NLGN1: variants seen among roughly 807,000 people sequenced by gnomAD.
The protein encoded by NLGN1 is neuroligin 1, also known as neuroligin-1.
Under a neutral mutation model 65.5 loss-of-function variants are expected in NLGN1, and 12 were observed. The ratio of observed to expected loss-of-function variants is 0.18; its 90% confidence interval spans 0.12 to 0.30. NLGN1 has a LOEUF of 0.30. NLGN1 is among the 10% of genes least tolerant of loss of function. The pLI is 1.00. For missense variants in NLGN1, 750 were observed against 1,007.1 expected (o/e 0.74, Z 3.46); for synonymous variants, 350 against 359.5 (o/e 0.97, Z 0.30).
intron 4 of NLGN1, among the ~76,000 whole-genome samples, chr3:174,007,514 T>G (rs951787947): frequency 1.3e-5 from 2 of 152,214 alleles, no homozygotes; most frequent in African/African-American, 4.8e-5. Context: ...AGTACTCTGT[T>G]GCATCCTCCT....
intron 3 of NLGN1, among the ~76,000 whole-genome samples, chr3:173,648,934 T>G (rs904938527): frequency 2.0e-5 from 3 of 152,148 alleles, no homozygotes; most frequent in Admixed American, 2.0e-4. Context: ...AGAAAGCATG[T>G]GTCTATTAAA....
At chr3:173,620,687 T>C (rs1334534496) in intron 3 of NLGN1, among the ~76,000 whole-genome samples, 3 of 152,084 alleles carry the variant, frequency 2.0e-5, no homozygotes, top group African/African-American at 7.2e-5. Flanking sequence ...TATTGAGTCA[T>C]CTTTTAAAAA....
At chr3:173,727,121 T>C (rs958907816) in intron 3 of NLGN1, among the ~76,000 whole-genome samples, 1 of 152,140 alleles carries the variant, frequency 6.6e-6, no homozygotes, top group African/African-American at 2.4e-5. Flanking sequence ...GGATAGTCCC[T>C]CTATCAACAG....
At chr3:173,946,314 T>TTGTG (rs914854059) in intron 4 of NLGN1, among the ~76,000 whole-genome samples, 3 of 151,742 alleles carry the variant, frequency 2.0e-5, no homozygotes, top group African/African-American at 7.3e-5. Context: ...TTGTGTTTGG[T>TTGTG]TGTGTGTGTG....
chr3:173,482,027 C>T (rs781495402), intron 2 of NLGN1, among the ~76,000 whole-genome samples: 28 of 151,940 alleles, frequency 1.8e-4, no homozygotes, highest in Non-Finnish European at 3.4e-4. Context: ...GTTATTTACA[C>T]ATAGGCAATT....
At chr3:174,275,623 G>C (rs1432114674) in intron 5 of NLGN1, 96 bp downstream of exon 5, 2 of 745,186 alleles carry the variant, frequency 2.7e-6, no homozygotes, top group East Asian at 5.2e-5. Flanking sequence ...TGTTCAAACT[G>C]AGTGTTAGGT....
chr3:173,745,685 T>G (rs1775259786), intron 3 of NLGN1, among the ~76,000 whole-genome samples: 1 of 151,962 alleles, frequency 6.6e-6, no homozygotes, highest in Admixed American at 6.6e-5. Flanking sequence ...ACTGCAGGTG[T>G]TTAGGGAAAT....
At chr3:174,060,421 G>A (rs1266192308) in intron 4 of NLGN1, among the ~76,000 whole-genome samples, 2 of 151,988 alleles carry the variant, frequency 1.3e-5, no homozygotes, top group East Asian at 2.0e-4. Context: ...ACTGTGAAAA[G>A]AAGAACCAGA....
intron 4 of NLGN1, among the ~76,000 whole-genome samples, chr3:174,257,075 C>G (rs1342075276): frequency 6.6e-6 from 1 of 151,798 alleles, no homozygotes; most frequent in African/African-American, 2.4e-5. Context: ...AAAAAACTAC[C>G]TCATTAAAAA....
intron 2 of NLGN1, among the ~76,000 whole-genome samples, chr3:173,488,398 C>A (rs776531693): frequency 6.6e-5 from 10 of 151,794 alleles, no homozygotes; most frequent in Non-Finnish European, 1.5e-4. Flanking sequence ...TTTTATTTTC[C>A]CCCACTTTCC....
intron 4 of NLGN1, among the ~76,000 whole-genome samples, chr3:174,108,663 G>C (rs925704524): frequency 6.6e-6 from 1 of 152,052 alleles, no homozygotes; most frequent in African/African-American, 2.4e-5. Context: ...AAATTACTAA[G>C]AGGAAACATC....
chr3:174,094,657 ATG>A (rs1745125244), intron 4 of NLGN1, among the ~76,000 whole-genome samples: 1 of 149,982 alleles, frequency 6.7e-6, no homozygotes, highest in Non-Finnish European at 1.5e-5. Context: ...TAGGACCCCC[ATG>A]TTATACCCTA....
chr3:173,783,706 A>T (rs1047023673), intron 3 of NLGN1, among the ~76,000 whole-genome samples: 1 of 152,154 alleles, frequency 6.6e-6, no homozygotes, highest in East Asian at 1.9e-4. Flanking sequence ...TCTCTGCCTC[A>T]TGGGATTCAG....
intron 4 of NLGN1, among the ~76,000 whole-genome samples, chr3:174,065,258 A>G (rs1020180090): frequency 6.6e-6 from 1 of 152,110 alleles, no homozygotes; most frequent in African/African-American, 2.4e-5. Flanking sequence ...TGTATTATCA[A>G]AGAGCTTAAC....
intron 4 of NLGN1, among the ~76,000 whole-genome samples, chr3:173,991,916 G>A (rs901328931): frequency 3.3e-5 from 5 of 151,908 alleles, no homozygotes; most frequent in Non-Finnish European, 5.9e-5. Flanking sequence ...GTGTTCTAGC[G>A]ATTCTCGTTC....
At chr3:173,780,511 T>G (rs1206106299) in intron 3 of NLGN1, among the ~76,000 whole-genome samples, 1 of 152,208 alleles carries the variant, frequency 6.6e-6, no homozygotes, top group Non-Finnish European at 1.5e-5. Flanking sequence ...ATCTATACCT[T>G]CAATGCCACA....
At chr3:173,782,433 T>C (rs1781320837) in intron 3 of NLGN1, among the ~76,000 whole-genome samples, 1 of 152,190 alleles carries the variant, frequency 6.6e-6, no homozygotes, top group African/African-American at 2.4e-5. Context: ...TAAACAAGCA[T>C]GTGCATGTAT....
chr3:174,168,344 T>C (rs1158012618), intron 4 of NLGN1, among the ~76,000 whole-genome samples: 3 of 152,202 alleles, frequency 2.0e-5, no homozygotes, highest in African/African-American at 7.2e-5. Context: ...ATGCTGGCAC[T>C]TCTAATTTTT....
At chr3:173,835,256 G>T (rs950255982) in intron 4 of NLGN1, among the ~76,000 whole-genome samples, 13 of 152,016 alleles carry the variant, frequency 8.6e-5, no homozygotes, top group Admixed American at 7.9e-4. Context: ...ATATATCGTG[G>T]TTGCTTCACT....
Sources: gnomAD v4.1 joint callset for allele counts (sites outside exome capture counted in the v4.1 genomes callset) on GRCh38, gnomAD v4.1.1 for gene constraint, MANE v1.5 for transcripts, NCBI Gene and HGNC (gene_info 2026-07-23, HGNC 2026-07-21) for gene names.